LIPK: variants seen among roughly 807,000 people sequenced by gnomAD.
LIPK encodes the protein lipase family member K.
A neutral mutation model predicts 48.6 loss-of-function variants in LIPK; 32 were observed. That is an observed-to-expected ratio of 0.66 (90% CI 0.50 to 0.88). The LOEUF (loss-of-function observed/expected upper bound fraction) is 0.88. Among genes scored for constraint, LIPK ranks in the 40% least tolerant of loss-of-function variants. The pLI is 0.00. For missense variants in LIPK, 507 were observed against 478.5 expected (o/e 1.06, Z -0.56); for synonymous variants, 164 against 157.4 (o/e 1.04, Z -0.32).
intron 8 of LIPK, among the ~76,000 whole-genome samples, chr10:88,741,867 G>A (rs181395451): frequency 6.6e-6 from 1 of 152,254 alleles, no homozygotes; most frequent in African/African-American, 2.4e-5. Context: ...ATACAATCAA[G>A]GTATATTAGT....
chr10:88,721,219 T>C (rs969084868), intron 1 of LIPK, among the ~76,000 whole-genome samples: 2 of 152,144 alleles, frequency 1.3e-5, no homozygotes, highest in Non-Finnish European at 1.5e-5. Context: ...AGAATGTCGA[T>C]GTGGGACACA....
At chr10:88,742,599 CA>C (rs1842698913) in intron 8 of LIPK, among the ~76,000 whole-genome samples, 2 of 152,142 alleles carry the variant, frequency 1.3e-5, no homozygotes, top group Non-Finnish European at 2.9e-5. Flanking sequence ...TTTGAAGTTT[CA>C]ATACCAAAAT....
chr10:88,749,129 A>T (rs907853457), intron 9 of LIPK, among the ~76,000 whole-genome samples: 1 of 152,260 alleles, frequency 6.6e-6, no homozygotes, highest in African/African-American at 2.4e-5. Flanking sequence ...GAGATGATAC[A>T]AATGGAAAAA....
At chr10:88,750,558 C>T (rs1842846387) in intron 9 of LIPK, among the ~76,000 whole-genome samples, 1 of 152,068 alleles carries the variant, frequency 6.6e-6, no homozygotes, top group African/African-American at 2.4e-5. Context: ...CACAGAAAAC[C>T]AAATATCACA....
chr10:88,709,736 C>T (rs972117795), intron 1 of LIPK, among the ~76,000 whole-genome samples: 2 of 152,004 alleles, frequency 1.3e-5, no homozygotes, highest in African/African-American at 4.8e-5. Flanking sequence ...TTTCCCAATA[C>T]CAATGTCAAT....
chr10:88,732,547 T>A lies in LIPK; in HGVS notation c.665T>A (p.Val222Asp). The A allele has an allele frequency of 6.2e-7, 1 of 1,603,560 alleles. No homozygotes were observed. The highest frequency in any genetic ancestry group is 8.5e-7 in the Non-Finnish European group (1 of 1,177,166). ...CTAACAACCCTTTCCAGGCGAGTAG[T>A]TAAGGTATGTGACTTCCCAAGTTTT... ...KKLTTLSRRVVKVLFGDKMFH... is the reference protein window; with the variant it reads ...KKLTTLSRRVDKVLFGDKMFH... The change falls in exon 6 of 10, where the codon GTT becomes GAT. Residue 222 changes from valine (V) to aspartate (D), a missense_variant. Coordinates refer to ENST00000404190, the MANE Select transcript of LIPK (RefSeq NM_001080518.2).
chr10:88,730,474 T>C (rs905358738), intron 3 of LIPK, among the ~76,000 whole-genome samples: 2 of 152,174 alleles, frequency 1.3e-5, no homozygotes, highest in African/African-American at 4.8e-5. Flanking sequence ...TATTTTTTAG[T>C]AGAGATGGGG....
intron 8 of LIPK, among the ~76,000 whole-genome samples, chr10:88,740,284 A>T (rs993201358): frequency 1.3e-5 from 2 of 152,144 alleles, no homozygotes; most frequent in African/African-American, 4.8e-5. Flanking sequence ...AGATATTCTG[A>T]CTGGGTTCTG....
chr10:88,737,492 A>G, intron 6 of LIPK, 143 bp from the exon 7 acceptor site: 1 of 794,968 alleles, frequency 1.3e-6, no homozygotes. Flanking sequence ...TTACAAAGCT[A>G]ATAACAAGCC....
chr10:88,720,469 G>A (rs1037335717), intron 1 of LIPK, among the ~76,000 whole-genome samples: 2 of 152,042 alleles, frequency 1.3e-5, no homozygotes, highest in African/African-American at 4.8e-5. Context: ...CAACCTCCAT[G>A]ACACAAGTTT....
chr10:88,740,301 A>T (rs888489148), intron 8 of LIPK, among the ~76,000 whole-genome samples: 1 of 152,194 alleles, frequency 6.6e-6, no homozygotes, highest in African/African-American at 2.4e-5. Context: ...TCTGATCCTT[A>T]GATGATTCCA....
At chr10:88,750,075 T>C (rs757389726) in intron 9 of LIPK, among the ~76,000 whole-genome samples, 5 of 152,162 alleles carry the variant, frequency 3.3e-5, no homozygotes, top group Non-Finnish European at 7.3e-5. Flanking sequence ...TCAATAATCA[T>C]TAGAGAAATG....
chr10:88,725,472 A>T (rs965714556), intron 2 of LIPK, among the ~76,000 whole-genome samples: 1 of 152,252 alleles, frequency 6.6e-6, no homozygotes, highest in African/African-American at 2.4e-5. Context: ...GTCTGTCTCC[A>T]GAGCCTGGGC....
In LIPK at chr10:88,732,500, C is replaced by A; in HGVS notation, c.618C>A (p.Tyr206Ter). Residue 206 changes from tyrosine to a stop codon, truncating the protein, a stop_gained, in exon 6 of 10, where the codon TAC becomes TAA. Transcript: ENST00000404190. LOFTEE classifies it high-confidence loss of function. ...TGGCTCCAGTTGTCACAGTTAAATA[C>A]ACCCAAAGTCCTATGAAAAAACTAA... ...FALAPVVTVKYTQSPMKKLTT... is the reference protein window; with the variant it reads ...FALAPVVTVK 6.2e-7 allele frequency: 1 copy of A among 1,613,618 alleles called. No homozygotes were observed. The highest frequency in any genetic ancestry group is 8.5e-7 in the Non-Finnish European group (1 of 1,179,718).
chr10:88,709,062 G>A, intron 1 of LIPK, among the ~76,000 whole-genome samples: 1 of 152,158 alleles, frequency 6.6e-6, no homozygotes, highest in East Asian at 1.9e-4. Flanking sequence ...CTTTATTGGT[G>A]ATGCTTTTCT....
chr10:88,714,645 GT>G, intron 1 of LIPK, among the ~76,000 whole-genome samples: 1 of 152,080 alleles, frequency 6.6e-6, no homozygotes, highest in South Asian at 2.1e-4. Flanking sequence ...AATTTGTCTA[GT>G]TAATATAATT....
chr10:88,709,323 T>C (rs972402715), intron 1 of LIPK, among the ~76,000 whole-genome samples: 1 of 152,368 alleles, frequency 6.6e-6, no homozygotes, highest in East Asian at 1.9e-4. Flanking sequence ...CTGGGATACA[T>C]GTGCAGAATG....
intron 7 of LIPK, among the ~76,000 whole-genome samples, chr10:88,738,036 T>C (rs982866946): frequency 6.6e-6 from 1 of 152,184 alleles, no homozygotes; most frequent in Admixed American, 6.5e-5. Flanking sequence ...AAGGCTATGG[T>C]TTTGATATTT....
rs200423747 is a variant in LIPK, at chr10:88,716,868, G to A, written c.-11-7665G>A. Among the ~76,000 whole-genome samples, 11 of 127,850 alleles carry A rather than the reference G, an allele frequency of 8.6e-5. No homozygotes were observed. The East Asian group carries it at 3.2e-3, about 38-fold the overall frequency. The allele number at this position is 127,850 out of a possible 152,430, so 83.9% of individuals were successfully genotyped here. On this transcript the variant is annotated intron_variant, in intron 1 of 9. Transcript: ENST00000404190. The stretch of plus-strand genomic sequence containing the variant: ...GTTCACATGTGGGATGTATGGATTT[G>A]GATTTTTTTTTCTCACCTAGGGAAT...
Sources: gnomAD v4.1 joint callset for allele counts (sites outside exome capture counted in the v4.1 genomes callset) on GRCh38, gnomAD v4.1.1 for gene constraint, MANE v1.5 for transcripts, NCBI Gene and HGNC (gene_info 2026-07-23, HGNC 2026-07-21) for gene names.